The following SDAD1 variants were observed in gnomAD, a reference collection of about 807,000 sequenced individuals.
SDAD1 encodes protein SDA1 homolog.
Under a neutral mutation model 100.3 loss-of-function variants are expected in SDAD1, and 79 were observed. That is an observed-to-expected ratio of 0.79 (90% CI 0.66 to 0.95). SDAD1 has a LOEUF of 0.95. Among genes scored for constraint, SDAD1 ranks in the 40% least tolerant of loss-of-function variants. SDAD1 has a pLI of 0.00. For missense variants in SDAD1, 790 were observed against 810.9 expected (o/e 0.97, Z 0.31); for synonymous variants, 267 against 271.4 (o/e 0.98, Z 0.16).
intron 8 of SDAD1, 41 bp from the exon 9 acceptor site, chr4:75,971,499 A>G: frequency 7.1e-7 from 1 of 1,407,754 alleles, no homozygotes; most frequent in Non-Finnish European, 1.0e-6. Flanking sequence ...AACAAGGAAA[A>G]TCTGCATAGA....
At chr4:75,963,535 T>A (rs1423949576) in intron 14 of SDAD1, among the ~76,000 whole-genome samples, 4 of 152,210 alleles carry the variant, frequency 2.6e-5, no homozygotes, top group African/African-American at 9.7e-5. Flanking sequence ...GGAATGTTCT[T>A]CCATTTGTTG....
In SDAD1 at chr4:75,950,739, T is replaced by C; in HGVS notation, c.*11A>G. ...TAGCATTCTTCTAGGAATGGAAAACTTGCCAGGAAGTTACTTCATTCTTTT... is the reference window on the plus strand; with the variant it reads ...TAGCATTCTTCTAGGAATGGAAAACCTGCCAGGAAGTTACTTCATTCTTTT... On this transcript the variant is annotated 3_prime_UTR_variant, in exon 22 of 22. Coordinates refer to ENST00000356260, the MANE Select transcript of SDAD1 (RefSeq NM_018115.4). 2 of 1,577,316 alleles carry C rather than the reference T, an allele frequency of 1.3e-6. No individual in the cohort carries two copies. Among genetic ancestry groups the C allele is most frequent in the East Asian group, 2.2e-5 (1 of 44,506 alleles).
In SDAD1 at chr4:75,965,935, C is replaced by T; in HGVS notation, c.1046-113G>A. The T allele has an allele frequency of 7.5e-6, 6 of 798,104 alleles. No individual in the cohort carries two copies. In the South Asian group the frequency reaches 9.7e-5, roughly 13 times the overall value. 49.4% of individuals were successfully genotyped at this position (798,104 alleles called of 1,614,324 possible). On this transcript the variant is annotated intron_variant, in intron 12 of 21. Transcript: ENST00000356260. ...CTAAATGGTATTGCTGCGTATTCCA[C>T]CTGGAACACTCAATCCCCAGATATC...
chr4:75,951,939 C>T (rs2149304727), intron 21 of SDAD1, among the ~76,000 whole-genome samples: 1 of 152,246 alleles, frequency 6.6e-6, no homozygotes, highest in South Asian at 2.1e-4. Context: ...TAACAAGATA[C>T]ACCTAAAACA....
rs1207337809 is a variant in SDAD1 at position 75,957,405 on chromosome 4, C to T, written c.1774G>A (p.Glu592Lys). ...TCAATGTCCCGAAGAGAAAGTAATTCACCCCTGGGGTGAGGGAAAAATAAC... is the reference window on the plus strand; with the variant it reads ...TCAATGTCCCGAAGAGAAAGTAATTTACCCCTGGGGTGAGGGAAAAATAAC... ...EIDSDEEPRG[E>K]LLSLRDIERL... Residue 592 changes from glutamate (E) to lysine (K), a missense_variant, in exon 20 of 22, where the codon GAA becomes AAA. Glu to Lys is a moderately conservative substitution (Grantham distance 56). Transcript: ENST00000356260. 1 of 1,613,990 alleles carries T rather than the reference C, an allele frequency of 6.2e-7. No homozygotes were observed. Among genetic ancestry groups the T allele is most frequent in the Non-Finnish European group, 8.5e-7 (1 of 1,179,994 alleles).
At chr4:75,970,445 C>T in intron 9 of SDAD1, 67 bp from the exon 10 acceptor site, 5 of 1,221,466 alleles carry the variant, frequency 4.1e-6, no homozygotes, top group Non-Finnish European at 6.0e-6. Context: ...ACTTAATGTG[C>T]TAATAAGGCT....
At chr4:75,958,032 C>A in intron 17 of SDAD1, 91 bp from the exon 18 acceptor site, 1 of 987,400 alleles carries the variant, frequency 1.0e-6, no homozygotes, top group Non-Finnish European at 1.6e-6. Flanking sequence ...AAGTAATGAA[C>A]CTTGAACAGA....
At chr4:75,987,382 A>G (rs1323524958) in intron 1 of SDAD1, among the ~76,000 whole-genome samples, 1 of 152,218 alleles carries the variant, frequency 6.6e-6, no homozygotes, top group African/African-American at 2.4e-5. Context: ...TACATTTCAT[A>G]TACATAGAAT....
chr4:75,955,436 T>C (rs769022628), intron 21 of SDAD1, among the ~76,000 whole-genome samples: 6 of 152,082 alleles, frequency 3.9e-5, no homozygotes, highest in East Asian at 1.9e-4. Flanking sequence ...CCCCGTTGCA[T>C]TGCGGGCTGC....
chr4:75,966,586 T>C (rs1729557318), intron 12 of SDAD1, among the ~76,000 whole-genome samples: 1 of 152,242 alleles, frequency 6.6e-6, no homozygotes, highest in South Asian at 2.1e-4. Context: ...TCATCTCTTC[T>C]TTCCTGCTTT....
intron 14 of SDAD1, among the ~76,000 whole-genome samples, chr4:75,963,371 G>A (rs1216611596): frequency 1.3e-5 from 2 of 152,042 alleles, no homozygotes; most frequent in Non-Finnish European, 2.9e-5. Context: ...TGGCAATGTG[G>A]GCTCTTTTTT....
At chr4:75,954,065 A>G (rs1251870586) in intron 21 of SDAD1, among the ~76,000 whole-genome samples, 1 of 152,008 alleles carries the variant, frequency 6.6e-6, no homozygotes, top group Non-Finnish European at 1.5e-5. Flanking sequence ...ACCACACAAA[A>G]TTATTGGGTT....
chr4:75,975,907 G>A lies in SDAD1; in HGVS notation c.477+17C>T, dbSNP rs768920429. 15 of 1,600,374 alleles carry A rather than the reference G, an allele frequency of 9.4e-6. No individual in the cohort carries two copies. In the African/African-American group the frequency reaches 1.1e-4, roughly 11 times the overall value. ...ATGGTACAATGCTGCAAACATGGAAGACAGAAGAGTACTTACTACATTCAC... is the reference window on the plus strand; with the variant it reads ...ATGGTACAATGCTGCAAACATGGAAAACAGAAGAGTACTTACTACATTCAC... On this transcript the variant is annotated intron_variant, in intron 5 of 21. Coordinates refer to ENST00000356260, the MANE Select transcript of SDAD1 (RefSeq NM_018115.4).
chr4:75,977,205 G>C (rs996831434), intron 4 of SDAD1, among the ~76,000 whole-genome samples: 1 of 152,172 alleles, frequency 6.6e-6, no homozygotes, highest in Non-Finnish European at 1.5e-5. Flanking sequence ...GTGGGGGAGT[G>C]GGTCAGTTAT....
chr4:75,967,952 G>A (rs865968124), intron 11 of SDAD1, among the ~76,000 whole-genome samples: 1 of 152,176 alleles, frequency 6.6e-6, no homozygotes, highest in East Asian at 1.9e-4. Flanking sequence ...TTCAAGAAGA[G>A]AAACTGGAAA....
chr4:75,964,892 C>T (rs1170268174), intron 13 of SDAD1, among the ~76,000 whole-genome samples: 3 of 152,144 alleles, frequency 2.0e-5, no homozygotes, highest in Non-Finnish European at 4.4e-5. Flanking sequence ...TTAATCCCGT[C>T]ATCTTCATAA....
Position 75,970,307 on chromosome 4 carries a change from A to G in SDAD1, c.883+2T>C, listed in dbSNP as rs1318561208. The G allele has an allele frequency of 6.2e-7, 1 of 1,612,650 alleles. No individual in the cohort carries two copies. The highest frequency in any genetic ancestry group is 1.7e-5 in the Admixed American group (1 of 59,974). ...AGGAACTCGGACGTCATAATAACGT[A>G]CCTTGGGGATCATGAATCAAGTGAA... On this transcript the variant is annotated splice_donor_variant, in intron 10 of 21. Transcript: ENST00000356260. LOFTEE classifies it high-confidence loss of function.
intron 21 of SDAD1, among the ~76,000 whole-genome samples, chr4:75,953,790 C>T (rs1479765427): frequency 6.6e-6 from 1 of 152,180 alleles, no homozygotes; most frequent in Non-Finnish European, 1.5e-5. Context: ...GATATCCTGG[C>T]AATTCTTCAG....
At chr4:75,953,310 T>C (rs964802975) in intron 21 of SDAD1, among the ~76,000 whole-genome samples, 1 of 152,012 alleles carries the variant, frequency 6.6e-6, no homozygotes, top group Non-Finnish European at 1.5e-5. Flanking sequence ...ACAAAGGAAG[T>C]AGGGGTGGGG....
Sources: gnomAD v4.1 joint callset for allele counts (sites outside exome capture counted in the v4.1 genomes callset) on GRCh38, gnomAD v4.1.1 for gene constraint, MANE v1.5 for transcripts, NCBI Gene and HGNC (gene_info 2026-07-23, HGNC 2026-07-21) for gene names.